Variants in KCNMB4 observed in about 807,000 individuals in gnomAD.
KCNMB4 encodes calcium-activated potassium channel subunit beta-4.
In KCNMB4, 3 loss-of-function variants were observed where a neutral mutation model predicts 20.7. The observed-to-expected ratio is 0.14, with a 90% CI of 0.07 to 0.37. The LOEUF (loss-of-function observed/expected upper bound fraction) is 0.37. KCNMB4 is among the 10% of genes least tolerant of loss of function. The pLI is 1.00. For synonymous variants in KCNMB4, 110 were observed against 113.4 expected (o/e 0.97, Z 0.19); for missense variants, 168 against 265.9 (o/e 0.63, Z 2.56).
chr12:70,428,590 C>T (rs928669146), intron 2 of KCNMB4, among the ~76,000 whole-genome samples: 1 of 152,098 alleles, frequency 6.6e-6, no homozygotes, highest in Non-Finnish European at 1.5e-5. Flanking sequence ...TATCCTGTGT[C>T]CTGACTCTTT....
In KCNMB4 at chr12:70,370,679, T is replaced by C. The variant is rs1032261775; in HGVS notation, c.336+3609T>C. 1.1e-4 allele frequency among the ~76,000 whole-genome samples: 17 copies of C among 152,180 alleles called. No homozygotes were observed. The East Asian group carries it at 2.3e-3, about 21-fold the overall frequency. ...AAAGGGAGAGTATTATTTAAAATTA[T>C]TATGTAAATAATAGTTTAAAACCAA... is the stretch of plus-strand genomic sequence containing the variant. On this transcript the variant is annotated intron_variant, in intron 1 of 2. Coordinates refer to ENST00000258111, the MANE Select transcript of KCNMB4 (RefSeq NM_014505.6).
chr12:70,413,698 A>G (rs559455028), intron 2 of KCNMB4, among the ~76,000 whole-genome samples: 14 of 152,166 alleles, frequency 9.2e-5, no homozygotes, highest in Non-Finnish European at 1.9e-4. Flanking sequence ...TCCCCACCAC[A>G]TAATTTTTTG....
intron 2 of KCNMB4, among the ~76,000 whole-genome samples, chr12:70,401,223 A>G (rs146528496): frequency 0.056 from 8,461 of 152,130 alleles, 394 homozygotes; most frequent in East Asian, 0.15. Context: ...ACAGGGTTTC[A>G]CCATGTTGAC....
chr12:70,367,148 G>A, intron 1 of KCNMB4, 78 bp downstream of exon 1: 2 of 1,217,536 alleles, frequency 1.6e-6, no homozygotes, highest in Non-Finnish European at 2.2e-6. Context: ...TCCGCGCGGG[G>A]AGGGTTCGGC....
chr12:70,383,986 T>G (rs1883841717), intron 1 of KCNMB4, among the ~76,000 whole-genome samples: 1 of 152,136 alleles, frequency 6.6e-6, no homozygotes, highest in African/African-American at 2.4e-5. Flanking sequence ...GGAAAATCAC[T>G]TGAACCCAGG....
At chr12:70,388,578 CATT>C (rs1451093700) in intron 1 of KCNMB4, among the ~76,000 whole-genome samples, 2 of 152,010 alleles carry the variant, frequency 1.3e-5, no homozygotes, top group African/African-American at 4.8e-5. Flanking sequence ...GATGATATCT[CATT>C]GTAGTTTTGA....
At chr12:70,368,348 T>C (rs923966191) in intron 1 of KCNMB4, among the ~76,000 whole-genome samples, 1 of 152,074 alleles carries the variant, frequency 6.6e-6, no homozygotes, top group Admixed American at 6.6e-5. Context: ...TTAGAAAATA[T>C]TTCTTTTTAA....
chr12:70,381,728 A>T (rs1883789452), intron 1 of KCNMB4, among the ~76,000 whole-genome samples: 1 of 152,232 alleles, frequency 6.6e-6, no homozygotes, highest in South Asian at 2.1e-4. Context: ...AGGCATGGGA[A>T]GATTGGGAAT....
chr12:70,377,104 A>G (rs1883701035), intron 1 of KCNMB4, among the ~76,000 whole-genome samples: 1 of 152,320 alleles, frequency 6.6e-6, no homozygotes. Flanking sequence ...CTACAGATTC[A>G]TTACAGTCTC....
intron 2 of KCNMB4, among the ~76,000 whole-genome samples, chr12:70,406,909 T>G (rs1303846089): frequency 1.3e-5 from 2 of 152,230 alleles, no homozygotes; most frequent in East Asian, 3.8e-4. Flanking sequence ...AGTATTTTTT[T>G]GTACTCTCGC....
Position 70,370,682 on chromosome 12 carries a change from T to G in KCNMB4, c.336+3612T>G, listed in dbSNP as rs984906962. Among the ~76,000 whole-genome samples, 3 of 151,964 alleles carry G rather than the reference T, an allele frequency of 2.0e-5. No individual in the cohort carries two copies. The East Asian group carries it at 5.8e-4, about 29-fold the overall frequency. On this transcript the variant is annotated intron_variant, in intron 1 of 2. Transcript: ENST00000258111. ...GGGAGAGTATTATTTAAAATTATTA[T>G]GTAAATAATAGTTTAAAACCAATAA...
At chr12:70,397,154 G>T (rs941852780) in intron 1 of KCNMB4, among the ~76,000 whole-genome samples, 7 of 152,140 alleles carry the variant, frequency 4.6e-5, no homozygotes, top group Admixed American at 3.3e-4. Flanking sequence ...AGGAGTTCGA[G>T]ACCAGCCTGG....
chr12:70,398,472 A>G (rs1188770110), intron 1 of KCNMB4, among the ~76,000 whole-genome samples: 2 of 152,150 alleles, frequency 1.3e-5, no homozygotes, highest in African/African-American at 4.8e-5. Context: ...AATTTCACAG[A>G]CATTTTTAGC....
At chr12:70,380,589 A>G (rs185383560) in intron 1 of KCNMB4, among the ~76,000 whole-genome samples, 8 of 152,136 alleles carry the variant, frequency 5.3e-5, no homozygotes, top group African/African-American at 1.9e-4. Context: ...TACAGTACTC[A>G]GGACTGTGTG....
rs1175160177 is a variant in KCNMB4 at position 70,422,810 on chromosome 12, G to A, written c.465-7675G>A. ...TCTCAGGGTTTTAAGAATCACATTG[G>A]GAAAACCGACAGATGGATAAAAAAT... On this transcript the variant is annotated intron_variant, in intron 2 of 2. Transcript: ENST00000258111. 4.0e-6 allele frequency: 5 copies of A among 1,256,214 alleles called. No homozygotes were observed. In the East Asian group the frequency reaches 2.3e-4, roughly 57 times the overall value. The allele number at this position is 1,256,214 out of a possible 1,614,324, so 77.8% of individuals were successfully genotyped here. A position where few individuals can be genotyped will look rare whatever the true frequency, so the allele number is the denominator to read the frequency against.
chr12:70,422,728 T>C, intron 2 of KCNMB4: 6 of 1,289,066 alleles, frequency 4.7e-6, no homozygotes, highest in Non-Finnish European at 6.1e-6. Context: ...TACCCCTCTT[T>C]ATTTCTGAGA....
chr12:70,400,649 T>C (rs1164557915), intron 2 of KCNMB4, among the ~76,000 whole-genome samples: 2 of 152,186 alleles, frequency 1.3e-5, no homozygotes, highest in Non-Finnish European at 2.9e-5. Context: ...TTAGACTGCA[T>C]CGAATCTTAC....
intron 2 of KCNMB4, among the ~76,000 whole-genome samples, chr12:70,403,876 T>C (rs1162260130): frequency 6.6e-6 from 1 of 152,210 alleles, no homozygotes; most frequent in Non-Finnish European, 1.5e-5. Flanking sequence ...CTCTAATATC[T>C]AGCACAATGT....
Position 70,425,755 on chromosome 12 carries a change from T to C in KCNMB4, c.465-4730T>C, listed in dbSNP as rs942032927. On this transcript the variant is annotated intron_variant, in intron 2 of 2. Coordinates refer to ENST00000258111, the MANE Select transcript of KCNMB4 (RefSeq NM_014505.6). ...GATGGGACACCCTCACCCAGAAACA[T>C]AGGACACTTCAGGCACCTCAGTGAT... 1.6e-4 allele frequency among the ~76,000 whole-genome samples: 24 copies of C among 152,146 alleles called. 1 individual carries two copies. Among genetic ancestry groups the C allele is most frequent in the Admixed American group, 1.5e-3 (23 of 15,268 alleles).
Sources: allele counts gnomAD v4.1 joint callset (sites outside exome capture counted in the v4.1 genomes callset), GRCh38; gene constraint gnomAD v4.1.1; transcripts MANE v1.5; gene names NCBI Gene and HGNC (gene_info 2026-07-23, HGNC 2026-07-21).